The following RIMS2 variants were observed in gnomAD, a reference collection of about 807,000 sequenced individuals.
The protein encoded by RIMS2 is regulating synaptic membrane exocytosis protein 2.
RIMS2 carries 59 observed loss-of-function variants against 174.4 expected under a neutral mutation model. The ratio of observed to expected loss-of-function variants is 0.34; its 90% confidence interval spans 0.27 to 0.42. The LOEUF is 0.42. RIMS2 is among the 10% of genes least tolerant of loss of function. The pLI, the probability that RIMS2 is intolerant of heterozygous loss-of-function variation, is 1.00. For missense variants in RIMS2, 1,620 were observed against 1,666.3 expected, an observed-to-expected ratio of 0.97 and a Z score of 0.48; for synonymous variants, 606 against 572.5, an observed-to-expected ratio of 1.06 and a Z score of -0.84.
Position 103,699,876 on chromosome 8 carries a change from G to T in RIMS2, c.387+2580G>T, listed in dbSNP as rs187802226. Among the ~76,000 whole-genome samples, 3 of 151,998 alleles carry T rather than the reference G, an allele frequency of 2.0e-5. No homozygotes were observed. In the East Asian group the frequency reaches 5.8e-4, roughly 29 times the overall value. The stretch of plus-strand genomic sequence containing the variant: ...ATGTTATTTATTTTTCAAATATTGT[G>T]GGGTTCCTAGGGATCTTTTTGTTAA... On this transcript the variant is annotated intron_variant, in intron 2 of 23. Transcript: ENST00000504942.
At chr8:104,174,682 A>C (rs2098863545) in intron 19 of RIMS2, among the ~76,000 whole-genome samples, 1 of 152,188 alleles carries the variant, frequency 6.6e-6, no homozygotes, top group Non-Finnish European at 1.5e-5. Flanking sequence ...TATATGAGGA[A>C]ACTAAAGAAG....
intron 2 of RIMS2, among the ~76,000 whole-genome samples, chr8:103,751,283 T>G (rs1272184435): frequency 6.6e-6 from 1 of 152,060 alleles, no homozygotes; most frequent in African/African-American, 2.4e-5. Context: ...AACTCATCCT[T>G]TTTTATGGCT....
intron 19 of RIMS2, among the ~76,000 whole-genome samples, chr8:104,062,051 T>C (rs183478638): frequency 2.0e-5 from 3 of 152,204 alleles, no homozygotes; most frequent in East Asian, 1.9e-4. Flanking sequence ...ACAATGCCAA[T>C]AAGTTATATT....
intron 19 of RIMS2, among the ~76,000 whole-genome samples, chr8:104,125,282 G>A (rs190428725): frequency 1.3e-5 from 2 of 152,256 alleles, no homozygotes; most frequent in Admixed American, 6.5e-5. Flanking sequence ...TTTTAAGAAA[G>A]CTTCACTTCA....
At chr8:103,869,907 T>C (rs1594217089) in intron 3 of RIMS2, among the ~76,000 whole-genome samples, 1 of 152,078 alleles carries the variant, frequency 6.6e-6, no homozygotes, top group African/African-American at 2.4e-5. Flanking sequence ...CTTGTGGCAG[T>C]TAGGGGAGGG....
rs146560346 is a variant in RIMS2, at chr8:103,615,721, C to A, written c.177-81365C>A. The stretch of plus-strand genomic sequence containing the variant: ...ACTGACACCACAGAAATAAAAACAA[C>A]CATCAGAAACTACTACAAACACCTC... On this transcript the variant is annotated intron_variant, in intron 1 of 23. Transcript: ENST00000504942. 7.9e-5 allele frequency among the ~76,000 whole-genome samples: 12 copies of A among 152,004 alleles called. 1 individual carries two copies. The East Asian group carries it at 2.3e-3, about 29-fold the overall frequency.
chr8:104,107,222 T>G lies in RIMS2; in HGVS notation c.3334+92607T>G, dbSNP rs114899507. On this transcript the variant is annotated intron_variant, in intron 19 of 23. Transcript: ENST00000504942. ...TTCTACCTGAAATGTGGCTTCTGGT[T>G]TCTTTTTGAGTAAAGTACCTACTCA... Among the ~76,000 whole-genome samples the G allele has an allele frequency of 4.1e-3, 626 of 152,306 alleles. 8 individuals carry two copies. Among genetic ancestry groups the G allele is most frequent in the African/African-American group, 0.014 (582 of 41,566 alleles).
intron 2 of RIMS2, among the ~76,000 whole-genome samples, chr8:103,703,434 C>T (rs370623124): frequency 1.6e-4 from 24 of 152,086 alleles, no homozygotes; most frequent in African/African-American, 3.1e-4. Context: ...GACAGGGTTT[C>T]GCCATATTGG....
chr8:104,126,587 A>G (rs1343033004), intron 19 of RIMS2, among the ~76,000 whole-genome samples: 3 of 152,218 alleles, frequency 2.0e-5, no homozygotes, highest in East Asian at 3.8e-4. Flanking sequence ...AGTTTCTTCA[A>G]CAGCAAAATA....
intron 19 of RIMS2, among the ~76,000 whole-genome samples, chr8:104,222,382 T>C (rs2099159472): frequency 6.6e-6 from 1 of 152,232 alleles, no homozygotes; most frequent in Admixed American, 6.5e-5. Context: ...ACATATATAC[T>C]ATCTAGGAAC....
chr8:103,987,609 A>G (rs2094449971), intron 16 of RIMS2, among the ~76,000 whole-genome samples: 2 of 152,174 alleles, frequency 1.3e-5, no homozygotes, highest in African/African-American at 4.8e-5. Context: ...TCACTGTTTA[A>G]AATAGTACTT....
At chr8:103,956,482 C>T (rs2087264020) in intron 14 of RIMS2, among the ~76,000 whole-genome samples, 1 of 152,082 alleles carries the variant, frequency 6.6e-6, no homozygotes, top group South Asian at 2.1e-4. Context: ...ACAAACCTGA[C>T]AAAAACAAGC....
rs71513084 is a variant in RIMS2, at chr8:103,623,794, ATTT to A, written c.177-73282_177-73280del. On this transcript the variant is annotated intron_variant, in intron 1 of 23. Coordinates refer to ENST00000504942, the Ensembl canonical transcript of RIMS2. ...GTGAGCCACCGCGCCCGGTCTCTTC[ATTT>A]TTTTTTTTTAAAAAGGAAGGAACTA... is the stretch of plus-strand genomic sequence containing the variant. 6.2e-3 allele frequency among the ~76,000 whole-genome samples: 921 copies of A among 147,734 alleles called. 9 individuals carry two copies. Among genetic ancestry groups the A allele is most frequent in the African/African-American group, 0.021 (870 of 40,552 alleles).
At chr8:103,708,279 C>T (rs2097258669) in intron 2 of RIMS2, among the ~76,000 whole-genome samples, 1 of 152,150 alleles carries the variant, frequency 6.6e-6, no homozygotes, top group Admixed American at 6.5e-5. Flanking sequence ...AGATTCTCTT[C>T]TGCTCCAGGA....
chr8:103,922,931 A>T (rs2078000106), intron 10 of RIMS2, among the ~76,000 whole-genome samples: 1 of 151,972 alleles, frequency 6.6e-6, no homozygotes, highest in Admixed American at 6.6e-5. Flanking sequence ...TTATGTAAGG[A>T]ATATGTGATG....
intron 15 of RIMS2, among the ~76,000 whole-genome samples, chr8:103,961,837 A>G (rs1226387766): frequency 6.6e-6 from 1 of 152,154 alleles, no homozygotes; most frequent in Non-Finnish European, 1.5e-5. Context: ...ATTGATAACA[A>G]TATTTTTTTG....
chr8:104,220,328 G>A (rs2511570), intron 19 of RIMS2, among the ~76,000 whole-genome samples: 50,390 of 151,940 alleles, frequency 0.33, 8,600 homozygotes, highest in African/African-American at 0.42. Flanking sequence ...TGAAGCTGCA[G>A]GAGGGAAGTG....
At chr8:103,657,146 G>A (rs1278537475) in intron 1 of RIMS2, among the ~76,000 whole-genome samples, 2 of 152,136 alleles carry the variant, frequency 1.3e-5, no homozygotes, top group Non-Finnish European at 2.9e-5. Context: ...ACCTAAGGGG[G>A]ACAAGAAGCT....
chr8:103,794,224 C>T (rs2098530129), intron 3 of RIMS2, among the ~76,000 whole-genome samples: 1 of 152,106 alleles, frequency 6.6e-6, no homozygotes, highest in African/African-American at 2.4e-5. Flanking sequence ...GATACTGGCA[C>T]TAACACAGAG....
Sources: allele counts gnomAD v4.1 joint callset (sites outside exome capture counted in the v4.1 genomes callset), GRCh38; gene constraint gnomAD v4.1.1; transcripts MANE v1.5; gene names NCBI Gene and HGNC (gene_info 2026-07-23, HGNC 2026-07-21).